Variants in GUCY1A2 observed in about 807,000 individuals in gnomAD.
GUCY1A2 encodes guanylate cyclase 1 soluble subunit alpha 2, also known as guanylate cyclase soluble subunit alpha-2.
In GUCY1A2, 27 loss-of-function variants were observed where a neutral mutation model predicts 63.5. The observed-to-expected ratio is 0.43, with a 90% CI of 0.31 to 0.59. The LOEUF is 0.59. Ranked by LOEUF, GUCY1A2 falls within the 20% of genes least tolerant of loss-of-function variation. The probability of loss-of-function intolerance (pLI) is 0.11; values close to 1 mark genes in which losing one functional copy is unlikely to be tolerated. For synonymous variants in GUCY1A2, 364 were observed against 343.5 expected, an observed-to-expected ratio of 1.06 and a Z score of -0.66; for missense variants, 768 against 913.3, an observed-to-expected ratio of 0.84 and a Z score of 2.05.
chr11:106,990,851 C>T (rs1861461886), intron 1 of GUCY1A2, among the ~76,000 whole-genome samples: 1 of 152,134 alleles, frequency 6.6e-6, no homozygotes, highest in African/African-American at 2.4e-5. Flanking sequence ...ACACACAGCA[C>T]TTCATCATGC....
At position 106,986,782 on chromosome 11, in the gene GUCY1A2, A is replaced by G. The variant is rs137878953; in HGVS notation, c.304-651T>C. Reference sequence around the variant, plus strand: ...TCAGCCTGACTTCCTCCATGTCCCAAGAGAATTCAAGCAAAGGTTCTTTCT... The same window carrying G: ...TCAGCCTGACTTCCTCCATGTCCCAGGAGAATTCAAGCAAAGGTTCTTTCT... On this transcript the variant is annotated intron_variant, in intron 1 of 7. Coordinates refer to ENST00000526355, the MANE Select transcript of GUCY1A2 (RefSeq NM_000855.3). 1.7e-3 allele frequency among the ~76,000 whole-genome samples: 260 copies of G among 152,284 alleles called. 1 individual carries two copies. The highest frequency in any genetic ancestry group is 5.9e-3 in the African/African-American group (245 of 41,574).
Position 106,991,458 on chromosome 11 carries a change from G to A in GUCY1A2, c.304-5327C>T, listed in dbSNP as rs554784298. ...CTTTATAAAAAATACCAAGGTCTAC[G>A]TGCCACCCCCAGATTTTCCAGTTGA... On this transcript the variant is annotated intron_variant, in intron 1 of 7. Transcript: ENST00000526355. Among the ~76,000 whole-genome samples, 13 of 152,180 alleles carry A rather than the reference G, an allele frequency of 8.5e-5. No individual in the cohort carries two copies. In the East Asian group the frequency reaches 1.5e-3, roughly 18 times the overall value.
At chr11:106,738,343 C>T (rs527769951) in intron 6 of GUCY1A2, among the ~76,000 whole-genome samples, 1 of 152,258 alleles carries the variant, frequency 6.6e-6, no homozygotes, top group African/African-American at 2.4e-5. Flanking sequence ...CTCTAGGTTG[C>T]CTGTTCACTC....
chr11:106,779,802 C>G lies in GUCY1A2; in HGVS notation c.1693-3220G>C, dbSNP rs528153466. Reference sequence around the variant, plus strand: ...AAAAGTTAGACCAATATGTTACCAACTGATACATAAATGAATGAAGTAGAA... The same window carrying G: ...AAAAGTTAGACCAATATGTTACCAAGTGATACATAAATGAATGAAGTAGAA... On this transcript the variant is annotated intron_variant, in intron 5 of 7. Coordinates refer to ENST00000526355, the MANE Select transcript of GUCY1A2 (RefSeq NM_000855.3). Among the ~76,000 whole-genome samples, 3 of 152,254 alleles carry G rather than the reference C, an allele frequency of 2.0e-5. No homozygotes were observed. In the East Asian group the frequency reaches 5.8e-4, roughly 29 times the overall value.
intron 4 of GUCY1A2, among the ~76,000 whole-genome samples, chr11:106,862,220 T>A (rs1272322017): frequency 1.3e-5 from 2 of 152,004 alleles, no homozygotes; most frequent in Non-Finnish European, 2.9e-5. Context: ...TGTATTTAAA[T>A]AAAGTATCTA....
intron 3 of GUCY1A2, 109 bp downstream of exon 3, chr11:106,978,510 C>T: frequency 3.0e-6 from 2 of 668,212 alleles, no homozygotes; most frequent in Non-Finnish European, 4.7e-6. Context: ...TGGGTCTCAA[C>T]TTGCCATATT....
At chr11:106,909,234 C>G (rs1236206579) in intron 4 of GUCY1A2, among the ~76,000 whole-genome samples, 1 of 151,734 alleles carries the variant, frequency 6.6e-6, no homozygotes, top group Non-Finnish European at 1.5e-5. Context: ...TAACAGAGAT[C>G]TTGGATGCCC....
At chr11:106,913,863 C>T (rs1391000553) in intron 4 of GUCY1A2, among the ~76,000 whole-genome samples, 1 of 151,666 alleles carries the variant, frequency 6.6e-6, no homozygotes, top group Non-Finnish European at 1.5e-5. Flanking sequence ...CCAAAGTGTT[C>T]CTTAGCCACA....
intron 4 of GUCY1A2, among the ~76,000 whole-genome samples, chr11:106,931,626 T>C (rs1296587541): frequency 1.3e-5 from 2 of 152,180 alleles, no homozygotes; most frequent in East Asian, 3.9e-4. Context: ...AACCGTGTGG[T>C]ATCTATGCAA....
At position 106,674,943 on chromosome 11, in the gene GUCY1A2, T is replaced by C. The variant is rs900765189; in HGVS notation, c.*12606A>G. 2 of 215,822 alleles carry C rather than the reference T, an allele frequency of 9.3e-6. No individual in the cohort carries two copies. The highest frequency in any genetic ancestry group is 6.8e-5 in the East Asian group (1 of 14,612). 13.4% of individuals were successfully genotyped at this position (215,822 alleles called of 1,614,324 possible). A position where few individuals can be genotyped will look rare whatever the true frequency, so the allele number is the denominator to read the frequency against. On this transcript the variant is annotated 3_prime_UTR_variant, in exon 8 of 8. Transcript: ENST00000526355. ...TATTATATAGTGCCTGCAGACTTGA[T>C]GGAAGTGCATTGGCTGTTTATTTTA...
At chr11:106,816,431 A>G (rs185049124) in intron 4 of GUCY1A2, among the ~76,000 whole-genome samples, 1 of 152,034 alleles carries the variant, frequency 6.6e-6, no homozygotes, top group East Asian at 1.9e-4. Context: ...TGAAATCAAA[A>G]TGGAAATACA....
intron 3 of GUCY1A2, among the ~76,000 whole-genome samples, chr11:106,966,072 A>G (rs939988694): frequency 1.3e-5 from 2 of 151,730 alleles, no homozygotes; most frequent in African/African-American, 2.4e-5. Flanking sequence ...AGCCCTTCAC[A>G]CTCTTTTACA....
At chr11:106,717,340 A>G (rs1052561111) in intron 6 of GUCY1A2, among the ~76,000 whole-genome samples, 7 of 152,224 alleles carry the variant, frequency 4.6e-5, no homozygotes, top group African/African-American at 1.7e-4. Context: ...TAGACATTCG[A>G]AAAGATCTAA....
chr11:106,719,639 T>G lies in GUCY1A2; in HGVS notation c.1837-10973A>C, dbSNP rs375252533. ...GCAGAATAAAAGTACAGGAACAATA[T>G]TAAACCCCTGAGTTACAATGTAGAA... is the stretch of plus-strand genomic sequence containing the variant. On this transcript the variant is annotated intron_variant, in intron 6 of 7. Transcript: ENST00000526355. 2.5e-4 allele frequency among the ~76,000 whole-genome samples: 38 copies of G among 152,276 alleles called. No individual in the cohort carries two copies. In the East Asian group the frequency reaches 3.5e-3, roughly 14 times the overall value.
intron 4 of GUCY1A2, among the ~76,000 whole-genome samples, chr11:106,915,527 T>TA (rs1449728955): frequency 9.1e-6 from 1 of 109,732 alleles, no homozygotes; most frequent in Non-Finnish European, 2.2e-5. Context: ...CAGCAGGAGA[T>TA]AAAAAAACAT....
chr11:106,787,693 A>C (rs982212731), intron 5 of GUCY1A2, among the ~76,000 whole-genome samples: 1 of 149,358 alleles, frequency 6.7e-6, no homozygotes, highest in African/African-American at 2.5e-5. Flanking sequence ...AGGTCCATCC[A>C]TCTTATCGCA....
intron 6 of GUCY1A2, among the ~76,000 whole-genome samples, chr11:106,744,139 G>A (rs1337599111): frequency 6.6e-6 from 1 of 151,486 alleles, no homozygotes; most frequent in East Asian, 1.9e-4. Flanking sequence ...ATTCCTAATT[G>A]AAAAGAGTAC....
At chr11:106,706,548 T>G (rs1014991929) in intron 7 of GUCY1A2, among the ~76,000 whole-genome samples, 38 of 151,668 alleles carry the variant, frequency 2.5e-4, no homozygotes, top group Non-Finnish European at 3.8e-4. Flanking sequence ...TGGCAGAGTT[T>G]TTTTTTTTTT....
intron 6 of GUCY1A2, among the ~76,000 whole-genome samples, chr11:106,758,187 TC>T (rs1337871368): frequency 2.0e-5 from 3 of 152,116 alleles, no homozygotes; most frequent in Non-Finnish European, 4.4e-5. Flanking sequence ...TGGACGCCCC[TC>T]CCCACACCAA....
Sources: allele counts gnomAD v4.1 joint callset (sites outside exome capture counted in the v4.1 genomes callset), GRCh38; gene constraint gnomAD v4.1.1; transcripts MANE v1.5; gene names NCBI Gene and HGNC (gene_info 2026-07-23, HGNC 2026-07-21).